Variants in BTD observed in about 807,000 individuals in gnomAD.
BTD encodes the protein biotinidase.
Under a neutral mutation model 17.7 loss-of-function variants are expected in BTD, and 13 were observed. The ratio of observed to expected loss-of-function variants is 0.74; its 90% CI spans 0.48 to 1.17. BTD has a LOEUF of 1.17. Ranked by LOEUF, BTD falls within the 50% of genes most tolerant of loss-of-function variation. The probability of loss-of-function intolerance (pLI) is 0.00; values close to 1 mark genes in which losing one functional copy is unlikely to be tolerated. For synonymous variants in BTD, 240 were observed against 245.2 expected (o/e 0.98, Z 0.20); for missense variants, 674 against 650.4 (o/e 1.04, Z -0.39).
chr3:15,637,051 T>G (rs1392585053), intron 2 of BTD, among the ~76,000 whole-genome samples: 1 of 152,162 alleles, frequency 6.6e-6, no homozygotes, highest in Non-Finnish European at 1.5e-5. Context: ...GCCACCACGA[T>G]TCTATCGTCA....
intron 3 of BTD, among the ~76,000 whole-genome samples, chr3:15,671,363 A>G (rs2066328060): frequency 6.6e-6 from 1 of 152,292 alleles, no homozygotes; most frequent in East Asian, 1.9e-4. Context: ...GCCAAGCTTC[A>G]ATTATACCAT....
chr3:15,609,341 A>G (rs1161513879), intron 1 of BTD, among the ~76,000 whole-genome samples: 1 of 152,144 alleles, frequency 6.6e-6, no homozygotes, highest in African/African-American at 2.4e-5. Context: ...GGTAACCACT[A>G]TCTTGAATTT....
In BTD at chr3:15,645,083, G is replaced by A. The variant is rs775283569; in HGVS notation, c.1167G>A (p.Trp389Ter). The A allele has an allele frequency of 1.2e-6, 2 of 1,614,168 alleles. No individual in the cohort carries two copies. Among genetic ancestry groups the A allele is most frequent in the South Asian group, 2.2e-5 (2 of 91,078 alleles). Residue 389 changes from tryptophan to a stop codon, truncating the protein, a stop_gained, in exon 4 of 4, where the codon TGG (tryptophan) becomes TGA (stop). Transcript: ENST00000643237. LOFTEE classifies it low-confidence loss of function (END_TRUNC). Reference sequence around the variant, plus strand: ...ACAATTTCACCCTGGTCCCTGTCTGGGGAAAGGAAGGCTATCTCCACGTCT... The same window carrying A: ...ACAATTTCACCCTGGTCCCTGTCTGAGGAAAGGAAGGCTATCTCCACGTCT... Reference protein sequence around the residue: ...MYDNFTLVPVWGKEGYLHVCS... With the variant: ...MYDNFTLVPV
rs58789798 is a variant in BTD at position 15,707,807 on chromosome 3, A to ATT, written c.400-2253_400-2252insTT. On this transcript the variant is annotated intron_variant, in intron 3 of 3. Coordinates refer to the BTD transcript ENST00000672141. Reference sequence around the variant, plus strand: ...CTATTTCCCAAAATAGACTTAGGGCAAAGATAATCAACAAAAAATACAAAG... The same window carrying ATT: ...CTATTTCCCAAAATAGACTTAGGGCATTAAGATAATCAACAAAAAATACAAAG... 11,324 of 1,271,508 alleles carry ATT rather than the reference A, an allele frequency of 8.9e-3. 747 individuals are homozygous for ATT. In the African/African-American group the frequency reaches 0.14, roughly 16 times the overall value. 78.8% of individuals were successfully genotyped at this position (1,271,508 alleles called of 1,614,324 possible).
intron 4 of BTD, among the ~76,000 whole-genome samples, chr3:15,720,578 C>G (rs2073611395): frequency 6.6e-6 from 1 of 152,172 alleles, no homozygotes; most frequent in African/African-American, 2.4e-5. Flanking sequence ...ACATAAACCC[C>G]TGCCAAAATA....
At chr3:15,690,468 G>C (rs942601916) in intron 3 of BTD, among the ~76,000 whole-genome samples, 1 of 152,212 alleles carries the variant, frequency 6.6e-6, no homozygotes, top group Non-Finnish European at 1.5e-5. Flanking sequence ...ATCTTTTCAT[G>C]AGTATACAAT....
Position 15,653,504 on chromosome 3 carries a change from C to T in BTD, c.*8016C>T, listed in dbSNP as rs1293661559. On this transcript the variant is annotated 3_prime_UTR_variant, in exon 4 of 4. Coordinates refer to ENST00000643237, the MANE Select transcript of BTD (RefSeq NM_001370658.1). Reference sequence around the variant, plus strand: ...CGTCGCCAACCCAGAAATGTTTTCTCTCCCTGTCATGCTAATTTTCAGCCC... The same window carrying T: ...CGTCGCCAACCCAGAAATGTTTTCTTTCCCTGTCATGCTAATTTTCAGCCC... 6.6e-6 allele frequency among the ~76,000 whole-genome samples: 1 copy of T among 152,232 alleles called. No homozygotes were observed. The highest frequency in any genetic ancestry group is 1.5e-5 in the Non-Finnish European group (1 of 68,040).
rs1243597336 is a variant in BTD at position 15,680,765 on chromosome 3, A to C, written c.400-29295A>C. ...TCTGCAGTCTCAACCTCCTGGGCTCAAGTGATCCTCCCACCTCAGCCTCCT... is the reference window on the plus strand; with the variant it reads ...TCTGCAGTCTCAACCTCCTGGGCTCCAGTGATCCTCCCACCTCAGCCTCCT... On this transcript the variant is annotated intron_variant, in intron 3 of 3. Transcript: ENST00000672141. Among the ~76,000 whole-genome samples the C allele has an allele frequency of 6.9e-3, 1,051 of 152,228 alleles. 13 individuals carry two copies. The highest frequency in any genetic ancestry group is 0.024 in the African/African-American group (1,005 of 41,522).
intron 2 of BTD, among the ~76,000 whole-genome samples, chr3:15,637,836 G>A (rs1173973853): frequency 6.6e-6 from 1 of 152,180 alleles, no homozygotes; most frequent in Admixed American, 6.5e-5. Flanking sequence ...GAATTCTCCT[G>A]CATTCACCTT....
At chr3:15,700,438 A>G (rs2070392754) in intron 3 of BTD, among the ~76,000 whole-genome samples, 1 of 150,748 alleles carries the variant, frequency 6.6e-6, no homozygotes, top group African/African-American at 2.4e-5. Context: ...CATGTACCCT[A>G]GAACTTAAAA....
At chr3:15,709,602 A>G in intron 3 of BTD, 1 of 1,102,466 alleles carries the variant, frequency 9.1e-7, no homozygotes, top group East Asian at 2.6e-5. Context: ...TTCAGAAGCC[A>G]GTTAGAAGGT....
At chr3:15,618,935 A>T (rs1188227520) in intron 1 of BTD, among the ~76,000 whole-genome samples, 1 of 152,354 alleles carries the variant, frequency 6.6e-6, no homozygotes, top group African/African-American at 2.4e-5. Flanking sequence ...ATAATAACTT[A>T]TTAGTTCCAG....
downstream of BTD, chr3:15,713,562 G>A (rs771928286): frequency 1.2e-6 from 2 of 1,611,596 alleles, no homozygotes; most frequent in East Asian, 4.5e-5. Flanking sequence ...TAAGAGTGTT[G>A]ATCAGCAGCT....
chr3:15,625,392 C>G lies in BTD; in HGVS notation c.-16-10032C>G, dbSNP rs865810788. ...GCTAAAGACCAGAATGCTTTGTTTC[C>G]TTTCCCTCTTCCTCTGGCAGAAGCA... On this transcript the variant is annotated intron_variant, in intron 1 of 3. Coordinates refer to ENST00000643237, the MANE Select transcript of BTD (RefSeq NM_001370658.1). Among the ~76,000 whole-genome samples, 5 of 152,298 alleles carry G rather than the reference C, an allele frequency of 3.3e-5. No homozygotes were observed. The South Asian group carries it at 6.2e-4, about 19-fold the overall frequency.
intron 3 of BTD, among the ~76,000 whole-genome samples, chr3:15,663,422 G>A (rs757106526): frequency 2.6e-5 from 4 of 152,174 alleles, no homozygotes; most frequent in East Asian, 1.9e-4. Flanking sequence ...TTCACCCTGC[G>A]TGTTCAGTAG....
At chr3:15,696,783 A>G (rs1239528611) in intron 3 of BTD, among the ~76,000 whole-genome samples, 1 of 152,216 alleles carries the variant, frequency 6.6e-6, no homozygotes, top group Non-Finnish European at 1.5e-5. Context: ...GAAGGTATCC[A>G]TAAGAGATAC....
chr3:15,662,308 T>G (rs925026349), intron 3 of BTD, among the ~76,000 whole-genome samples: 1 of 152,242 alleles, frequency 6.6e-6, no homozygotes, highest in Non-Finnish European at 1.5e-5. Flanking sequence ...TGGAGTTTTC[T>G]TCATATAGAT....
chr3:15,669,340 C>T (rs571949641), intron 3 of BTD: 1 of 152,322 alleles, frequency 6.6e-6, no homozygotes, highest in Admixed American at 6.5e-5. Flanking sequence ...AGGTTGAAGA[C>T]TCCATGCCCC....
At chr3:15,687,563 A>C (rs1284703497) in intron 3 of BTD, among the ~76,000 whole-genome samples, 2 of 152,338 alleles carry the variant, frequency 1.3e-5, no homozygotes, top group Non-Finnish European at 2.9e-5. Context: ...TACAGAAAAG[A>C]ACGTCTATCA....
Sources: allele counts gnomAD v4.1 joint callset (sites outside exome capture counted in the v4.1 genomes callset), GRCh38; gene constraint gnomAD v4.1.1; transcripts MANE v1.5; gene names NCBI Gene and HGNC (gene_info 2026-07-23, HGNC 2026-07-21).